Variants in LGSN observed in about 807,000 individuals in gnomAD.
LGSN encodes lengsin.
In LGSN, 21 loss-of-function variants were observed where a neutral mutation model predicts 19.5. The observed-to-expected ratio is 1.07, with a 90% CI of 0.76 to 1.55. The LOEUF is 1.55. Among genes scored for constraint, LGSN ranks in the 40% most tolerant of loss-of-function variants. The probability of loss-of-function intolerance (pLI) is 0.00; values close to 1 mark genes in which losing one functional copy is unlikely to be tolerated. For missense variants in LGSN, 673 were observed against 608.5 expected (o/e 1.11, Z -1.12); for synonymous variants, 257 against 215.6 (o/e 1.19, Z -1.68).
the LGSN span, among the ~76,000 whole-genome samples, chr6:63,415,563 A>G: frequency 6.6e-6 from 1 of 152,214 alleles, no homozygotes; most frequent in Admixed American, 6.5e-5. Flanking sequence ...TGAGAATGGC[A>G]TGGGCGAAAG....
At chr6:63,486,966 G>T in the LGSN span, among the ~76,000 whole-genome samples, 1 of 151,912 alleles carries the variant, frequency 6.6e-6, no homozygotes, top group African/African-American at 2.4e-5. Flanking sequence ...CTCCTGAGTA[G>T]CTGGGACTAC....
chr6:63,379,817 T>C, the LGSN span, among the ~76,000 whole-genome samples: 1 of 152,146 alleles, frequency 6.6e-6, no homozygotes, highest in African/African-American at 2.4e-5. Context: ...GTAGTTAATG[T>C]AGAAGCAATC....
At chr6:63,529,173 A>G in the LGSN span, among the ~76,000 whole-genome samples, 1 of 147,430 alleles carries the variant, frequency 6.8e-6, no homozygotes, top group East Asian at 2.0e-4. Context: ...GTATATATAT[A>G]TATGTATATA....
the LGSN span, among the ~76,000 whole-genome samples, chr6:63,412,518 GAA>G: frequency 2.0e-5 from 2 of 99,790 alleles, no homozygotes; most frequent in Non-Finnish European, 2.0e-5. Flanking sequence ...AAGAAAGAAA[GAA>G]AGAAAGAAGG....
At chr6:63,303,221 C>G (rs1768258648) in intron 1 of LGSN, among the ~76,000 whole-genome samples, 1 of 152,064 alleles carries the variant, frequency 6.6e-6, no homozygotes. Flanking sequence ...CTTGATGGGC[C>G]ATTTGAACAT....
chr6:63,497,515 T>C, the LGSN span, among the ~76,000 whole-genome samples: 1 of 152,076 alleles, frequency 6.6e-6, no homozygotes, highest in Non-Finnish European at 1.5e-5. Flanking sequence ...ATCATGCCAC[T>C]GCACTCCAGC....
At chr6:63,527,351 A>C in the LGSN span, among the ~76,000 whole-genome samples, 1 of 152,174 alleles carries the variant, frequency 6.6e-6, no homozygotes, top group Non-Finnish European at 1.5e-5. Flanking sequence ...TCGTATCACC[A>C]CAGTAACCCA....
chr6:63,517,300 G>A, the LGSN span, among the ~76,000 whole-genome samples: 7 of 152,134 alleles, frequency 4.6e-5, no homozygotes, highest in African/African-American at 1.7e-4. Context: ...AATTTTTGAT[G>A]TATTAGAATA....
chr6:63,332,321 G>A, the LGSN span, among the ~76,000 whole-genome samples: 2 of 152,216 alleles, frequency 1.3e-5, no homozygotes, highest in Non-Finnish European at 2.9e-5. Flanking sequence ...TCAGAGAAGA[G>A]AGGTGAGAGG....
the LGSN span, among the ~76,000 whole-genome samples, chr6:63,361,432 C>T: frequency 1.3e-5 from 2 of 152,144 alleles, no homozygotes; most frequent in African/African-American, 2.4e-5. Flanking sequence ...AGCAAGGCTC[C>T]GTGGGTGTAG....
chr6:63,403,933 C>T, the LGSN span, among the ~76,000 whole-genome samples: 2 of 150,474 alleles, frequency 1.3e-5, no homozygotes, highest in South Asian at 4.2e-4. Context: ...GAGAGACTTG[C>T]TAGCCTCTCT....
At chr6:63,531,279 G>A in the LGSN span, among the ~76,000 whole-genome samples, 12 of 152,094 alleles carry the variant, frequency 7.9e-5, no homozygotes, top group Admixed American at 2.0e-4. Flanking sequence ...TTAATTAGTG[G>A]GGAATAGATG....
chr6:63,340,161 A>G, the LGSN span, among the ~76,000 whole-genome samples: 1 of 151,952 alleles, frequency 6.6e-6, no homozygotes, highest in Non-Finnish European at 1.5e-5. Flanking sequence ...GAATTCCCTT[A>G]TGTGTGACTT....
At chr6:63,336,181 A>T in the LGSN span, among the ~76,000 whole-genome samples, 1 of 152,174 alleles carries the variant, frequency 6.6e-6, no homozygotes, top group African/African-American at 2.4e-5. Context: ...TATACAACGC[A>T]TTTTTTAAAA....
chr6:63,407,864 A>G, the LGSN span, among the ~76,000 whole-genome samples: 2 of 152,182 alleles, frequency 1.3e-5, no homozygotes, highest in East Asian at 3.8e-4. Context: ...CAAAAATCAC[A>G]AGCATTCTTA....
chr6:63,340,272 G>T, the LGSN span, among the ~76,000 whole-genome samples: 1 of 152,016 alleles, frequency 6.6e-6, no homozygotes, highest in African/African-American at 2.4e-5. Context: ...TCTATTTGGG[G>T]ATCTTTGAGC....
At chr6:63,445,665 G>T in the LGSN span, among the ~76,000 whole-genome samples, 2 of 152,112 alleles carry the variant, frequency 1.3e-5, no homozygotes, top group Non-Finnish European at 2.9e-5. Context: ...CCTTGTATAA[G>T]AATTAAGAAT....
the LGSN span, among the ~76,000 whole-genome samples, chr6:63,365,581 A>T: frequency 2.0e-5 from 3 of 151,562 alleles, no homozygotes; most frequent in East Asian, 5.8e-4. Flanking sequence ...TCCCTAATTC[A>T]TTTTATGAGG....
rs557212406 is a variant in LGSN at position 63,300,954 on chromosome 6, AAG to A, written c.31-5911_31-5910del. ...TTTTACACTGGAAGTTAGAATTACT[AAG>A]AGTTAAAATTTAAGTTAATATATGT... On this transcript the variant is annotated intron_variant, in intron 1 of 3. Transcript: ENST00000370657. Among the ~76,000 whole-genome samples, 74 of 152,332 alleles carry A rather than the reference AAG, an allele frequency of 4.9e-4. 1 individual carries two copies. Among genetic ancestry groups the A allele is most frequent in the African/African-American group, 1.7e-3 (70 of 41,578 alleles).
Sources: gnomAD v4.1 joint callset for allele counts (sites outside exome capture counted in the v4.1 genomes callset) on GRCh38, gnomAD v4.1.1 for gene constraint, MANE v1.5 for transcripts, NCBI Gene and HGNC (gene_info 2026-07-23, HGNC 2026-07-21) for gene names.